Variants in ITGBL1 observed in about 807,000 individuals in gnomAD.
ITGBL1 encodes the protein integrin subunit beta like 1, also known as integrin beta-like protein 1.
In ITGBL1, 51 loss-of-function variants were observed where a neutral mutation model predicts 68.5. The ratio of observed to expected loss-of-function variants is 0.74; its 90% CI spans 0.59 to 0.94. ITGBL1 has a LOEUF of 0.94. Among genes scored for constraint, ITGBL1 ranks in the 40% least tolerant of loss-of-function variants. The pLI is 0.00. For missense variants in ITGBL1, 649 were observed against 647.4 expected (o/e 1.00, Z -0.03); for synonymous variants, 209 against 227.3 (o/e 0.92, Z 0.72).
At chr13:101,548,657 T>A (rs576370162) in intron 2 of ITGBL1, among the ~76,000 whole-genome samples, 2 of 151,746 alleles carry the variant, frequency 1.3e-5, no homozygotes, top group African/African-American at 2.4e-5. Flanking sequence ...AAGTAAAAAA[T>A]TGTCTTCACT....
At chr13:101,605,020 GTATATGTATATATACATATACGCA>G (rs2030663161) in intron 7 of ITGBL1, among the ~76,000 whole-genome samples, 2 of 133,938 alleles carry the variant, frequency 1.5e-5, no homozygotes, top group Non-Finnish European at 3.2e-5. Context: ...GCGTATATGT[GTATATGTATATATACATATACGCA>G]TATATGTGTA....
At chr13:101,499,263 A>T (rs1187564383) in intron 2 of ITGBL1, among the ~76,000 whole-genome samples, 1 of 152,238 alleles carries the variant, frequency 6.6e-6, no homozygotes, top group Non-Finnish European at 1.5e-5. Flanking sequence ...CTTATGCTTT[A>T]CAAACTTTAT....
rs139217592 is a variant in ITGBL1, at chr13:101,518,755, A to G, written c.317-48944A>G. 1.0e-3 allele frequency among the ~76,000 whole-genome samples: 153 copies of G among 152,324 alleles called. 1 individual carries two copies. In the East Asian group the frequency reaches 0.028, roughly 28 times the overall value. On this transcript the variant is annotated intron_variant, in intron 2 of 10. Transcript: ENST00000376180. ...TTATGTTTTTATCAATGTAACAATAATTTACATTAATTACATTCTTACTAT... is the reference window on the plus strand; with the variant it reads ...TTATGTTTTTATCAATGTAACAATAGTTTACATTAATTACATTCTTACTAT...
At chr13:101,676,476 G>C (rs562124032) in intron 7 of ITGBL1, among the ~76,000 whole-genome samples, 36 of 152,224 alleles carry the variant, frequency 2.4e-4, no homozygotes, top group South Asian at 6.2e-4. Flanking sequence ...TTTGCAGCAA[G>C]ATCAAAAAGC....
intron 2 of ITGBL1, among the ~76,000 whole-genome samples, chr13:101,468,656 A>G (rs1486943585): frequency 6.6e-6 from 1 of 152,232 alleles, no homozygotes; most frequent in African/African-American, 2.4e-5. Flanking sequence ...ATTTAAAAAT[A>G]TAACTTCTTT....
chr13:101,539,061 T>G (rs1293453610), intron 2 of ITGBL1, among the ~76,000 whole-genome samples: 1 of 149,746 alleles, frequency 6.7e-6, no homozygotes, highest in Non-Finnish European at 1.5e-5. Flanking sequence ...TTTTTTTTTT[T>G]TTTTTTTTTT....
intron 6 of ITGBL1, among the ~76,000 whole-genome samples, chr13:101,593,227 C>T (rs929767027): frequency 5.4e-5 from 8 of 148,102 alleles, no homozygotes; most frequent in Non-Finnish European, 7.5e-5. Flanking sequence ...CAGTTAGAAT[C>T]GGTTTTATTA....
intron 7 of ITGBL1, among the ~76,000 whole-genome samples, chr13:101,682,203 A>G (rs1042177586): frequency 6.6e-6 from 1 of 152,184 alleles, no homozygotes; most frequent in Non-Finnish European, 1.5e-5. Flanking sequence ...TGAACCAATG[A>G]AACTACTAAA....
At chr13:101,659,272 T>C (rs193020096) in intron 7 of ITGBL1, among the ~76,000 whole-genome samples, 1 of 152,192 alleles carries the variant, frequency 6.6e-6, no homozygotes, top group African/African-American at 2.4e-5. Flanking sequence ...TTTCAATTGA[T>C]TTTCTTCTAG....
intron 2 of ITGBL1, among the ~76,000 whole-genome samples, chr13:101,483,493 G>A (rs532696394): frequency 1.7e-4 from 26 of 152,306 alleles, no homozygotes; most frequent in African/African-American, 5.3e-4. Flanking sequence ...ATTCAGAGAT[G>A]CTCTAGAAGT....
At chr13:101,643,090 A>G (rs1451154851) in intron 7 of ITGBL1, among the ~76,000 whole-genome samples, 2 of 150,896 alleles carry the variant, frequency 1.3e-5, no homozygotes, top group Non-Finnish European at 3.0e-5. Flanking sequence ...GTTTTTTCCA[A>G]TTCTGTGAAG....
chr13:101,609,350 T>C (rs146487568), intron 7 of ITGBL1, among the ~76,000 whole-genome samples: 26 of 152,182 alleles, frequency 1.7e-4, no homozygotes, highest in African/African-American at 6.0e-4. Flanking sequence ...GTTGGGACAT[T>C]GTGTATTCTC....
chr13:101,595,113 C>T (rs1379148941), intron 6 of ITGBL1, among the ~76,000 whole-genome samples: 1 of 152,018 alleles, frequency 6.6e-6, no homozygotes, highest in Non-Finnish European at 1.5e-5. Context: ...AAACCAAAAA[C>T]AGGTCTATTT....
chr13:101,649,399 T>C (rs1297547193), intron 7 of ITGBL1, among the ~76,000 whole-genome samples: 2 of 152,174 alleles, frequency 1.3e-5, no homozygotes, highest in Non-Finnish European at 2.9e-5. Context: ...TTTTCTACTG[T>C]GGATTTCTGT....
intron 2 of ITGBL1, among the ~76,000 whole-genome samples, chr13:101,480,132 A>G (rs2048596859): frequency 6.6e-6 from 1 of 151,300 alleles, no homozygotes; most frequent in Non-Finnish European, 1.5e-5. Context: ...AGTACTATTC[A>G]GCCATAAAAA....
At chr13:101,469,213 G>T (rs538808184) in intron 2 of ITGBL1, among the ~76,000 whole-genome samples, 5 of 152,310 alleles carry the variant, frequency 3.3e-5, no homozygotes, top group African/African-American at 1.2e-4. Flanking sequence ...AGAGAGAGAA[G>T]AAAGGCATTT....
chr13:101,547,594 A>G (rs879070502), intron 2 of ITGBL1, among the ~76,000 whole-genome samples: 4 of 151,836 alleles, frequency 2.6e-5, no homozygotes, highest in Admixed American at 2.6e-4. Context: ...GAGATGGTTA[A>G]TGGGTACAAA....
At chr13:101,669,156 G>A (rs911240343) in intron 7 of ITGBL1, among the ~76,000 whole-genome samples, 1 of 151,756 alleles carries the variant, frequency 6.6e-6, no homozygotes, top group Non-Finnish European at 1.5e-5. Context: ...AATTTTGGTA[G>A]GAAGGAAGAA....
At chr13:101,582,025 G>C (rs1447818276) in intron 5 of ITGBL1, among the ~76,000 whole-genome samples, 1 of 152,162 alleles carries the variant, frequency 6.6e-6, no homozygotes, top group East Asian at 1.9e-4. Context: ...CCACTTAGTA[G>C]TGGTTGATTG....
Sources: allele counts gnomAD v4.1 joint callset (sites outside exome capture counted in the v4.1 genomes callset), GRCh38; gene constraint gnomAD v4.1.1; transcripts MANE v1.5; gene names NCBI Gene and HGNC (gene_info 2026-07-23, HGNC 2026-07-21).